COL4A4: variants seen among roughly 807,000 people sequenced by gnomAD.
The protein encoded by COL4A4 is collagen type IV alpha 4 chain.
In COL4A4, 105 loss-of-function variants were observed where a neutral mutation model predicts 192.9. The ratio of observed to expected loss-of-function variants is 0.54; its 90% CI spans 0.46 to 0.64. The LOEUF is 0.64. Ranked by LOEUF, COL4A4 falls within the 30% of genes least tolerant of loss-of-function variation. The pLI, the probability that COL4A4 is intolerant of heterozygous loss-of-function variation, is 0.00. For missense variants in COL4A4, 1,967 were observed against 2,169.3 expected, an observed-to-expected ratio of 0.91 and a Z score of 1.85; for synonymous variants, 762 against 769.9, an observed-to-expected ratio of 0.99 and a Z score of 0.17.
intron 12 of COL4A4, among the ~76,000 whole-genome samples, chr2:227,106,567 A>G (rs1202067671): frequency 2.0e-5 from 3 of 149,514 alleles, no homozygotes; most frequent in Non-Finnish European, 4.4e-5. Context: ...ATCTTATTTT[A>G]TTTATTTATA....
At chr2:227,041,872 AAG>A (rs1243282932) in intron 37 of COL4A4, among the ~76,000 whole-genome samples, 1 of 128,594 alleles carries the variant, frequency 7.8e-6, no homozygotes, top group Non-Finnish European at 1.7e-5. Flanking sequence ...GAAAGAAAGA[AAG>A]AAAGAAAGAA....
intron 24 of COL4A4, 78 bp downstream of exon 24, chr2:227,080,365 A>G: frequency 7.6e-7 from 1 of 1,321,408 alleles, no homozygotes; most frequent in South Asian, 1.2e-5. Context: ...AGCTTGGCAA[A>G]TAGAGAAAGG....
At chr2:226,993,369 A>G in the COL4A4 span, among the ~76,000 whole-genome samples, 18 of 152,204 alleles carry the variant, frequency 1.2e-4, no homozygotes, top group Non-Finnish European at 2.4e-4. Flanking sequence ...CAGAGTTCCC[A>G]GGCCATCTGG....
chr2:227,042,230 C>T lies in COL4A4; in HGVS notation c.3423G>A (p.Arg1141=). The T allele has an allele frequency of 6.2e-7, 1 of 1,612,850 alleles. No individual in the cohort carries two copies. The highest frequency in any genetic ancestry group is 8.5e-7 in the Non-Finnish European group (1 of 1,178,878). The change falls in exon 37 of 48, where the codon AGG becomes AGA. Residue 1141 remains arginine (R), a synonymous_variant. Coordinates refer to ENST00000396625, the MANE Select transcript of COL4A4 (RefSeq NM_000092.5). ...GGTCTCCCATTTCTCCTGGCTGTCC[C>T]CTCAGCCCAGGCATCCCGTGATCAC... The part of the protein sequence containing the change: ...CPGDHGMPGL[R]GQPGEMGDPG...
intron 25 of COL4A4, among the ~76,000 whole-genome samples, chr2:227,075,405 C>G (rs529738944): frequency 6.3e-4 from 96 of 152,176 alleles, no homozygotes; most frequent in Admixed American, 2.7e-3. Context: ...ATTATTTTAA[C>G]AGAGACAGAA....
chr2:226,992,291 C>T, the COL4A4 span, among the ~76,000 whole-genome samples: 1 of 152,182 alleles, frequency 6.6e-6, no homozygotes. Context: ...GGGCTGACAT[C>T]AACTTTGTGA....
chr2:226,978,455 A>G, the COL4A4 span, among the ~76,000 whole-genome samples: 10 of 152,192 alleles, frequency 6.6e-5, no homozygotes, highest in African/African-American at 2.4e-4. Flanking sequence ...ACCCCTGGAC[A>G]TATGGACCAT....
intron 4 of COL4A4, among the ~76,000 whole-genome samples, chr2:227,122,599 C>CTA (rs2061857524): frequency 1.3e-5 from 2 of 152,176 alleles, no homozygotes; most frequent in Admixed American, 6.5e-5. Context: ...CATGCCAGCC[C>CTA]TACTCTGGCA....
At chr2:227,026,615 C>T (rs535797155) in intron 42 of COL4A4, among the ~76,000 whole-genome samples, 47 of 152,152 alleles carry the variant, frequency 3.1e-4, no homozygotes, top group Admixed American at 1.2e-3. Context: ...TAGGATACTG[C>T]GAAATATTCT....
intron 45 of COL4A4, among the ~76,000 whole-genome samples, chr2:227,011,610 C>T (rs865962087): frequency 8.5e-5 from 13 of 152,196 alleles, no homozygotes; most frequent in South Asian, 6.2e-4. Flanking sequence ...ATGCGCCTAA[C>T]GAGCTACATG....
intron 1 of COL4A4, among the ~76,000 whole-genome samples, chr2:227,155,053 A>C (rs1289429245): frequency 1.3e-5 from 2 of 152,180 alleles, no homozygotes; most frequent in African/African-American, 4.8e-5. Flanking sequence ...GGACCACCGG[A>C]ATGTGGATGG....
At chr2:227,125,795 T>C (rs2062050871) in intron 4 of COL4A4, among the ~76,000 whole-genome samples, 1 of 152,088 alleles carries the variant, frequency 6.6e-6, no homozygotes, top group Non-Finnish European at 1.5e-5. Flanking sequence ...AGGAGATGCC[T>C]CTCCAAGGTG....
At chr2:227,101,989 A>T in intron 15 of COL4A4, 80 bp from the exon 16 acceptor site, 1 of 1,027,858 alleles carries the variant, frequency 9.7e-7, no homozygotes. Flanking sequence ...TTTTCACCTT[A>T]TCAAATTGTT....
At chr2:227,110,183 C>T (rs4490175) in intron 9 of COL4A4, among the ~76,000 whole-genome samples, 30,345 of 152,050 alleles carry the variant, frequency 0.2, 4,932 homozygotes, top group African/African-American at 0.44. Context: ...AGATGTTCCC[C>T]GGGCTCCTGC....
intron 34 of COL4A4, 110 bp from the exon 35 acceptor site, chr2:227,047,659 G>T: frequency 1.4e-6 from 1 of 723,864 alleles, no homozygotes; most frequent in Non-Finnish European, 2.4e-6. Flanking sequence ...GATATTTTAG[G>T]AGAGTGTTTT....
intron 12 of COL4A4, among the ~76,000 whole-genome samples, chr2:227,107,556 A>G (rs771411267): frequency 2.4e-4 from 36 of 152,232 alleles, no homozygotes; most frequent in Admixed American, 5.2e-4. Context: ...TGACTGTACC[A>G]TGACTTACTC....
chr2:227,160,512 G>A (rs1296999203), intron 1 of COL4A4, among the ~76,000 whole-genome samples: 3 of 152,128 alleles, frequency 2.0e-5, no homozygotes, highest in Non-Finnish European at 4.4e-5. Context: ...GGAATTTCCA[G>A]GAGGTCCCTG....
chr2:227,147,255 A>G (rs1008393497), intron 2 of COL4A4, 158 bp downstream of exon 2: 4 of 765,510 alleles, frequency 5.2e-6, no homozygotes, highest in African/African-American at 5.1e-5. Context: ...TTGGTGTTCA[A>G]TAATAAAAAT....
intron 1 of COL4A4, among the ~76,000 whole-genome samples, chr2:227,154,875 T>C (rs529262081): frequency 1.3e-5 from 2 of 152,316 alleles, no homozygotes; most frequent in South Asian, 2.1e-4. Context: ...TTTCCCAACA[T>C]ACAAGCTGGT....
Sources: allele counts gnomAD v4.1 joint callset (sites outside exome capture counted in the v4.1 genomes callset), GRCh38; gene constraint gnomAD v4.1.1; transcripts MANE v1.5; gene names NCBI Gene and HGNC (gene_info 2026-07-23, HGNC 2026-07-21).